The following PAQR5 variants were observed in gnomAD, a reference collection of about 807,000 sequenced individuals.
The protein encoded by PAQR5 is membrane progestin receptor gamma.
Under a neutral mutation model 34.5 loss-of-function variants are expected in PAQR5, and 20 were observed. The observed-to-expected ratio is 0.58, with a 90% CI of 0.41 to 0.84. The LOEUF (loss-of-function observed/expected upper bound fraction) is 0.84. Among genes scored for constraint, PAQR5 ranks in the 40% least tolerant of loss-of-function variants. The pLI, the probability that PAQR5 is intolerant of heterozygous loss-of-function variation, is 0.00. For missense variants in PAQR5, 378 were observed against 412.7 expected (o/e 0.92, Z 0.73); for synonymous variants, 131 against 155.6 (o/e 0.84, Z 1.18).
At chr15:69,341,251 A>T (rs2054634081) in intron 2 of PAQR5, among the ~76,000 whole-genome samples, 2 of 139,260 alleles carry the variant, frequency 1.4e-5, no homozygotes, top group African/African-American at 5.4e-5. Context: ...CAGGCATGTC[A>T]TCTCAATGGA....
chr15:69,299,452 C>T (rs1436466450), intron 1 of PAQR5, among the ~76,000 whole-genome samples: 1 of 152,212 alleles, frequency 6.6e-6, no homozygotes, highest in Non-Finnish European at 1.5e-5. Flanking sequence ...TGGGGCTGCA[C>T]AGTTGGCGAT....
intron 1 of PAQR5, among the ~76,000 whole-genome samples, chr15:69,312,079 G>C (rs544167548): frequency 3.2e-4 from 48 of 152,244 alleles, no homozygotes; most frequent in African/African-American, 1.1e-3. Flanking sequence ...GTTGTAGTGG[G>C]AAAGGCAAGA....
At position 69,405,973 on chromosome 15, in the gene PAQR5, A is replaced by AG. The variant is rs1388586369; in HGVS notation, c.*2155dup. The AG allele has an allele frequency of 6.6e-6, 1 of 152,216 alleles. No individual in the cohort carries two copies. Among genetic ancestry groups the AG allele is most frequent in the Non-Finnish European group, 1.5e-5 (1 of 68,036 alleles). The allele number at this position is 152,216 out of a possible 1,614,324, so 9.4% of individuals were successfully genotyped here. On this transcript the variant is annotated 3_prime_UTR_variant, in exon 9 of 9. Coordinates refer to ENST00000395407, the MANE Select transcript of PAQR5 (RefSeq NM_017705.4). ...TGAAAGCTTCCTATGCAAAATGAGAAGGGGTTCAAATATATTAATTATCAT... is the reference window on the plus strand; with the variant it reads ...TGAAAGCTTCCTATGCAAAATGAGAAGGGGGTTCAAATATATTAATTATCAT...
chr15:69,395,622 CAT>C (rs1202096488), intron 6 of PAQR5, among the ~76,000 whole-genome samples: 1 of 152,190 alleles, frequency 6.6e-6, no homozygotes, highest in Non-Finnish European at 1.5e-5. Flanking sequence ...CTGTGTTACA[CAT>C]GAGGATCAGG....
chr15:69,377,556 C>T (rs1186310376), intron 3 of PAQR5, among the ~76,000 whole-genome samples: 4 of 152,196 alleles, frequency 2.6e-5, no homozygotes, highest in African/African-American at 9.7e-5. Flanking sequence ...TCATTTTATC[C>T]CCTCCCTCTA....
intron 2 of PAQR5, among the ~76,000 whole-genome samples, chr15:69,345,276 A>G (rs16953174): frequency 0.018 from 2,756 of 152,182 alleles, 94 homozygotes; most frequent in East Asian, 0.14. Context: ...CTGTGAAGAG[A>G]CTGTTTATTA....
chr15:69,320,101 G>A (rs2054058559), intron 1 of PAQR5, among the ~76,000 whole-genome samples: 1 of 152,264 alleles, frequency 6.6e-6, no homozygotes, highest in South Asian at 2.1e-4. Context: ...TCAGGGCCTG[G>A]AGTCACCTTC....
rs1191919461 is a variant in PAQR5, at chr15:69,405,991, A to C, written c.*2169A>C. The C allele has an allele frequency of 6.6e-6, 1 of 152,206 alleles. No homozygotes were observed. Among genetic ancestry groups the C allele is most frequent in the South Asian group, 2.1e-4 (1 of 4,830 alleles). 9.4% of individuals were successfully genotyped at this position (152,206 alleles called of 1,614,324 possible). The stretch of plus-strand genomic sequence containing the variant: ...AATGAGAAGGGGTTCAAATATATTA[A>C]TTATCATTAAGTATTAAATAATAGG... On this transcript the variant is annotated 3_prime_UTR_variant, in exon 9 of 9. Coordinates refer to ENST00000395407, the MANE Select transcript of PAQR5 (RefSeq NM_017705.4).
chr15:69,380,441 G>T (rs1457318442), intron 4 of PAQR5: 1 of 161,170 alleles, frequency 6.2e-6, no homozygotes, highest in Non-Finnish European at 1.4e-5. Context: ...AAGGGTTGCT[G>T]TGAGGGTTTG....
At chr15:69,333,245 A>G (rs2140681928) in intron 1 of PAQR5, among the ~76,000 whole-genome samples, 1 of 152,266 alleles carries the variant, frequency 6.6e-6, no homozygotes, top group South Asian at 2.1e-4. Context: ...GTTTTGGAAA[A>G]AAGGCTCTGT....
intron 8 of PAQR5, among the ~76,000 whole-genome samples, chr15:69,400,371 G>T (rs907587332): frequency 6.6e-6 from 1 of 152,186 alleles, no homozygotes; most frequent in African/African-American, 2.4e-5. Context: ...GTGTCTTATT[G>T]TCATCCAGAA....
At position 69,346,868 on chromosome 15, in the gene PAQR5, G is replaced by A. The variant is rs1210353057; in HGVS notation, c.-116+9367G>A. ...TAGAGTCTCTGTCGCCCAGGCTGGA[G>A]TGCAGTGGTGCAATCTCCACTCACT... is the stretch of plus-strand genomic sequence containing the variant. On this transcript the variant is annotated intron_variant, in intron 2 of 8. Transcript: ENST00000395407. Among the ~76,000 whole-genome samples the A allele has an allele frequency of 3.3e-5, 5 of 151,682 alleles. No individual in the cohort carries two copies. The South Asian group carries it at 6.3e-4, about 19-fold the overall frequency.
At chr15:69,309,721 A>G (rs2053789733) in intron 1 of PAQR5, among the ~76,000 whole-genome samples, 2 of 152,030 alleles carry the variant, frequency 1.3e-5, no homozygotes, top group South Asian at 4.1e-4. Flanking sequence ...CCACCTAGCT[A>G]CCTACTGTGA....
In PAQR5 at chr15:69,341,116, G is replaced by T. The variant is rs536930684; in HGVS notation, c.-116+3615G>T. Among the ~76,000 whole-genome samples the T allele has an allele frequency of 1.1e-3, 168 of 152,032 alleles. 1 individual carries two copies. Among genetic ancestry groups the T allele is most frequent in the Admixed American group, 2.7e-3 (41 of 15,242 alleles). On this transcript the variant is annotated intron_variant, in intron 2 of 8. Coordinates refer to ENST00000395407, the MANE Select transcript of PAQR5 (RefSeq NM_017705.4). ...ACCTATGACCACCATCCATCTCCAC[G>T]ACTTCTTCATCTTCCCAAATAGAAA...
At chr15:69,401,033 G>A (rs1035969623) in intron 8 of PAQR5, 1 of 152,278 alleles carries the variant, frequency 6.6e-6, no homozygotes, top group African/African-American at 2.4e-5. Flanking sequence ...GTGATCTGGT[G>A]GAGAGAAGGT....
Position 69,403,748 on chromosome 15 carries a change from C to A in PAQR5, c.919C>A (p.Leu307Ile). The A allele has an allele frequency of 6.2e-7, 1 of 1,614,064 alleles. No homozygotes were observed. Reference sequence around the variant, plus strand: ...CATACTTCTGTGCATCATCTTCAGCCTCAGCAACATAATTTATTTCTCAGC... The same window carrying A: ...CATACTTCTGTGCATCATCTTCAGCATCAGCAACATAATTTATTTCTCAGC... ...GAILLCIIFS[L>I]SNIIYFSAAL... is the part of the protein sequence containing the mutation. Residue 307 changes from leucine to isoleucine, a missense_variant, in exon 9 of 9, where the codon CTC becomes ATC. Leu to Ile is a conservative substitution (Grantham distance 5, BLOSUM62 2). Transcript: ENST00000395407.
chr15:69,405,912 A>C lies in PAQR5; in HGVS notation c.*2090A>C, dbSNP rs936825980. ...ATATACTTTTGGGGACAGTGTTATAAATCAGAATTTTACGACAGTTTGCAG... is the reference window on the plus strand; with the variant it reads ...ATATACTTTTGGGGACAGTGTTATACATCAGAATTTTACGACAGTTTGCAG... On this transcript the variant is annotated 3_prime_UTR_variant, in exon 9 of 9. Transcript: ENST00000395407. 1.3e-5 allele frequency: 2 copies of C among 152,224 alleles called. No individual in the cohort carries two copies. The highest frequency in any genetic ancestry group is 4.8e-5 in the African/African-American group (2 of 41,456). 9.4% of individuals were successfully genotyped at this position (152,224 alleles called of 1,614,324 possible). A position where few individuals can be genotyped will look rare whatever the true frequency, so the allele number is the denominator to read the frequency against.
intron 2 of PAQR5, among the ~76,000 whole-genome samples, chr15:69,355,402 CTTTCTTTTTTTTCTTTTTCTT>C (rs1288859082): frequency 1.8e-5 from 2 of 112,166 alleles, no homozygotes; most frequent in Non-Finnish European, 3.8e-5. Flanking sequence ...TTCTTTCCTT[CTTTCTTTTTTTTCTTTTTCTT>C]TTTCTTTTTT....
At chr15:69,318,785 G>A (rs1372951739) in intron 1 of PAQR5, among the ~76,000 whole-genome samples, 1 of 151,684 alleles carries the variant, frequency 6.6e-6, no homozygotes, top group Non-Finnish European at 1.5e-5. Flanking sequence ...AATTAGTAAG[G>A]ATTAACCACC....
Sources: gnomAD v4.1 joint callset for allele counts (sites outside exome capture counted in the v4.1 genomes callset) on GRCh38, gnomAD v4.1.1 for gene constraint, MANE v1.5 for transcripts, NCBI Gene and HGNC (gene_info 2026-07-23, HGNC 2026-07-21) for gene names.